KIF21A: variants seen among roughly 807,000 people sequenced by gnomAD.
KIF21A encodes kinesin-like protein KIF21A.
KIF21A carries 114 observed loss-of-function variants against 202.9 expected under a neutral mutation model. That is an observed-to-expected ratio of 0.56 (90% CI 0.48 to 0.66). The LOEUF (loss-of-function observed/expected upper bound fraction) is 0.66, where lower values mean the gene tolerates loss of function less well. KIF21A is among the 30% of genes least tolerant of loss of function. The probability of loss-of-function intolerance (pLI) is 0.00; values close to 1 mark genes in which losing one functional copy is unlikely to be tolerated. For synonymous variants in KIF21A, 667 were observed against 670.8 expected (o/e 0.99, Z 0.09); for missense variants, 1,677 against 1,994.9 (o/e 0.84, Z 3.04).
chr12:39,341,870 T>TAGAG (rs1250231023), intron 13 of KIF21A, among the ~76,000 whole-genome samples, 164 bp downstream of exon 13: 1 of 152,208 alleles, frequency 6.6e-6, no homozygotes, highest in Non-Finnish European at 1.5e-5. Context: ...GAGTTGTCAA[T>TAGAG]ATTTTATAGC....
rs575325869 is a variant in KIF21A at position 39,315,789 on chromosome 12, C to G, written c.3947+143G>C. On this transcript the variant is annotated intron_variant, in intron 30 of 37. Transcript: ENST00000361418. The stretch of plus-strand genomic sequence containing the variant: ...GACCACAAAAATGTATTAAAATTAT[C>G]ATGTTTAGAAATATTAGTGCATTTA... 7.9e-6 allele frequency: 6 copies of G among 755,420 alleles called. No individual in the cohort carries two copies. The South Asian group carries it at 8.5e-5, about 11-fold the overall frequency. The allele number at this position is 755,420 out of a possible 1,614,324, so 46.8% of individuals were successfully genotyped here. A position where few individuals can be genotyped will look rare whatever the true frequency, so the allele number is the denominator to read the frequency against.
intron 26 of KIF21A, among the ~76,000 whole-genome samples, chr12:39,325,362 C>T (rs1361870006): frequency 3.4e-5 from 5 of 148,536 alleles, no homozygotes; most frequent in Admixed American, 1.3e-4. Context: ...GACGGAGTCT[C>T]GCTCCGTCGC....
At chr12:39,358,046 T>G (rs1487050512) in intron 8 of KIF21A, 132 bp downstream of exon 8, 1 of 700,548 alleles carries the variant, frequency 1.4e-6, no homozygotes, top group African/African-American at 1.8e-5. Flanking sequence ...GACTCTTACC[T>G]CCAAAAGGAA....
At chr12:39,350,675 A>T (rs902336051) in intron 11 of KIF21A, among the ~76,000 whole-genome samples, 1 of 152,048 alleles carries the variant, frequency 6.6e-6, no homozygotes, top group Non-Finnish European at 1.5e-5. Flanking sequence ...CCATGAAAAC[A>T]TCTAAGACAT....
intron 16 of KIF21A, among the ~76,000 whole-genome samples, chr12:39,339,235 C>CA (rs35065621): frequency 0.5 from 65,648 of 130,320 alleles, 16,269 homozygotes; most frequent in East Asian, 0.62. Context: ...GACTCCCTCT[C>CA]AAAAAAAAAA....
intron 33 of KIF21A, among the ~76,000 whole-genome samples, chr12:39,308,785 C>T (rs114384081): frequency 0.013 from 1,904 of 151,928 alleles, 46 homozygotes; most frequent in African/African-American, 0.042. Flanking sequence ...TCTTAATACA[C>T]GATATAATAG....
chr12:39,395,580 G>T (rs955485057), intron 1 of KIF21A, among the ~76,000 whole-genome samples: 1 of 152,064 alleles, frequency 6.6e-6, no homozygotes, highest in Non-Finnish European at 1.5e-5. Context: ...AGTGGCTGAC[G>T]CCTGTAATCC....
At chr12:39,413,704 T>C (rs988801598) in intron 1 of KIF21A, among the ~76,000 whole-genome samples, 4 of 152,148 alleles carry the variant, frequency 2.6e-5, no homozygotes, top group Admixed American at 6.5e-5. Flanking sequence ...AACCCAGCAG[T>C]TGGAGGCTGC....
chr12:39,343,385 A>G (rs1348255341), intron 12 of KIF21A, among the ~76,000 whole-genome samples: 4 of 152,096 alleles, frequency 2.6e-5, no homozygotes, highest in African/African-American at 9.6e-5. Context: ...AATTAATTAC[A>G]ATAAATTTAA....
intron 1 of KIF21A, among the ~76,000 whole-genome samples, chr12:39,403,743 T>C (rs999116718): frequency 6.6e-6 from 1 of 152,228 alleles, no homozygotes; most frequent in Admixed American, 6.5e-5. Context: ...ACATGAGAAC[T>C]CATTATTTTA....
intron 14 of KIF21A, 80 bp downstream of exon 14, chr12:39,341,425 A>C: frequency 3.7e-6 from 5 of 1,360,028 alleles, no homozygotes; most frequent in Non-Finnish European, 5.2e-6. Flanking sequence ...AGTATGAAAT[A>C]GAGAATGTTA....
At chr12:39,314,243 A>G (rs1944301084) in intron 31 of KIF21A, among the ~76,000 whole-genome samples, 1 of 151,784 alleles carries the variant, frequency 6.6e-6, no homozygotes, top group Non-Finnish European at 1.5e-5. Flanking sequence ...ATAATTATGA[A>G]ATGTGATGCC....
intron 1 of KIF21A, among the ~76,000 whole-genome samples, chr12:39,419,761 T>C (rs1038991456): frequency 6.6e-6 from 1 of 152,186 alleles, no homozygotes; most frequent in Non-Finnish European, 1.5e-5. Flanking sequence ...GTTTTCTCTC[T>C]TCCTCTCCAA....
At chr12:39,405,987 C>T (rs925729694) in intron 1 of KIF21A, among the ~76,000 whole-genome samples, 4 of 152,168 alleles carry the variant, frequency 2.6e-5, no homozygotes, top group South Asian at 2.1e-4. Flanking sequence ...ATATGTAAAG[C>T]GTGTCTTTGC....
chr12:39,379,252 T>C (rs1271786297), intron 1 of KIF21A, among the ~76,000 whole-genome samples: 1 of 149,486 alleles, frequency 6.7e-6, no homozygotes, highest in African/African-American at 2.5e-5. Context: ...TGCTTGAACA[T>C]AGGAGGCAGA....
At chr12:39,438,434 CA>C (rs1249862714) in intron 1 of KIF21A, among the ~76,000 whole-genome samples, 1 of 152,146 alleles carries the variant, frequency 6.6e-6, no homozygotes, top group Non-Finnish European at 1.5e-5. Flanking sequence ...TTTAGGTTGA[CA>C]AACCAGCATT....
chr12:39,436,444 ATATAT>A (rs199501668), intron 1 of KIF21A, among the ~76,000 whole-genome samples: 1,720 of 113,520 alleles, frequency 0.015, 45 homozygotes, highest in African/African-American at 0.062. Flanking sequence ...ATATATATAT[ATATAT>A]TTTTTTTTTT....
chr12:39,357,218 T>A (rs763208813), intron 9 of KIF21A, 30 bp downstream of exon 9: 4 of 1,595,554 alleles, frequency 2.5e-6, no homozygotes, highest in Non-Finnish European at 3.4e-6. Flanking sequence ...CAGAAGTTAA[T>A]CCCTCACTTA....
Position 39,314,252 on chromosome 12 carries a change from C to T in KIF21A, c.3959+977G>A, listed in dbSNP as rs112128082. On this transcript the variant is annotated intron_variant, in intron 31 of 37. Coordinates refer to ENST00000361418, the MANE Select transcript of KIF21A (RefSeq NM_001173464.2). ...GGATATATAATTATGAAATGTGATG[C>T]CATGATTTGCATACATGTGTCAATT... Among the ~76,000 whole-genome samples the T allele has an allele frequency of 6.8e-3, 1,032 of 151,638 alleles. 15 individuals carry two copies. Among genetic ancestry groups the T allele is most frequent in the African/African-American group, 0.024 (977 of 41,436 alleles).
Sources: allele counts gnomAD v4.1 joint callset (sites outside exome capture counted in the v4.1 genomes callset), GRCh38; gene constraint gnomAD v4.1.1; transcripts MANE v1.5; gene names NCBI Gene and HGNC (gene_info 2026-07-23, HGNC 2026-07-21).